Variants in SGCZ observed in about 807,000 individuals in gnomAD.
The protein encoded by SGCZ is sarcoglycan zeta.
Under a neutral mutation model 41.3 loss-of-function variants are expected in SGCZ, and 40 were observed. That is an observed-to-expected ratio of 0.97 (90% CI 0.75 to 1.26). The LOEUF (loss-of-function observed/expected upper bound fraction) is 1.26, where lower values mean the gene tolerates loss of function less well. Among genes scored for constraint, SGCZ ranks in the 50% most tolerant of loss-of-function variants. The pLI is 0.00. For synonymous variants in SGCZ, 206 were observed against 137.5 expected, an observed-to-expected ratio of 1.50 and a Z score of -3.49; for missense variants, 552 against 369.8, an observed-to-expected ratio of 1.49 and a Z score of -4.04.
chr8:14,795,781 G>A (rs952394648), intron 1 of SGCZ, among the ~76,000 whole-genome samples: 1 of 151,972 alleles, frequency 6.6e-6, no homozygotes. Flanking sequence ...CAGGTTTTAA[G>A]CCTAGTACCC....
At chr8:15,009,386 G>T (rs968411441) in intron 1 of SGCZ, among the ~76,000 whole-genome samples, 2 of 30,008 alleles carry the variant, frequency 6.7e-5, no homozygotes, top group Non-Finnish European at 1.6e-4. Context: ...TCTCCCGCCA[G>T]GCCCCACCTC....
rs142651514 is a variant in SGCZ, at chr8:14,394,134, G to GCC, written c.235-69932_235-69931dup. Among the ~76,000 whole-genome samples the GCC allele has an allele frequency of 8.5e-5, 11 of 128,782 alleles. 1 individual carries two copies. Among genetic ancestry groups the GCC allele is most frequent in the African/African-American group, 2.7e-4 (8 of 29,940 alleles). 84.5% of individuals were successfully genotyped at this position (128,782 alleles called of 152,430 possible). ...GAACTACTTCATGCACTGCCCTACC[G>GCC]CCCCCCACCTTTTTTTTTTTTTTTT... On this transcript the variant is annotated intron_variant, in intron 2 of 7. Transcript: ENST00000382080.
At chr8:14,552,604 A>T (rs536229918) in intron 2 of SGCZ, among the ~76,000 whole-genome samples, 1 of 152,206 alleles carries the variant, frequency 6.6e-6, no homozygotes, top group African/African-American at 2.4e-5. Flanking sequence ...ATGTTGCATT[A>T]TAATTTACAT....
At chr8:15,119,445 A>C (rs1034702015) in intron 1 of SGCZ, among the ~76,000 whole-genome samples, 2 of 151,800 alleles carry the variant, frequency 1.3e-5, no homozygotes, top group African/African-American at 4.9e-5. Flanking sequence ...TGGGAGGATC[A>C]CTTGAGACCC....
At chr8:14,637,665 T>C (rs977369188) in intron 1 of SGCZ, among the ~76,000 whole-genome samples, 3 of 151,926 alleles carry the variant, frequency 2.0e-5, no homozygotes, top group Non-Finnish European at 2.9e-5. Flanking sequence ...TTCTTTTTTA[T>C]GGCTGCATAA....
intron 7 of SGCZ, among the ~76,000 whole-genome samples, chr8:14,090,988 G>A (rs12678512): frequency 0.16 from 24,311 of 151,654 alleles, 3,120 homozygotes; most frequent in East Asian, 0.69. Context: ...AGATTTCCCC[G>A]TCACATCCCC....
chr8:15,120,622 G>C (rs554670373), intron 1 of SGCZ, among the ~76,000 whole-genome samples: 1 of 152,266 alleles, frequency 6.6e-6, no homozygotes, highest in South Asian at 2.1e-4. Flanking sequence ...GTTTTGTGAT[G>C]TAATAGATAT....
chr8:14,427,055 AAT>A (rs1799804680), intron 2 of SGCZ, among the ~76,000 whole-genome samples: 4 of 143,380 alleles, frequency 2.8e-5, no homozygotes, highest in African/African-American at 1.0e-4. Flanking sequence ...TGAATGAATG[AAT>A]GAATGAATGA....
At position 14,430,174 on chromosome 8, in the gene SGCZ, A is replaced by T. The variant is rs573760739; in HGVS notation, c.235-105970T>A. Among the ~76,000 whole-genome samples the T allele has an allele frequency of 2.7e-4, 41 of 152,234 alleles. No individual in the cohort carries two copies. In the South Asian group the frequency reaches 7.9e-3, roughly 29 times the overall value. ...ATTCCCACAAGATAGAGAAAGAGGG[A>T]ATCCTCCCTACATCATTCTATGAAG... On this transcript the variant is annotated intron_variant, in intron 2 of 7. Transcript: ENST00000382080.
At chr8:14,842,613 G>A (rs1443155106) in intron 1 of SGCZ, among the ~76,000 whole-genome samples, 1 of 152,102 alleles carries the variant, frequency 6.6e-6, no homozygotes, top group Non-Finnish European at 1.5e-5. Context: ...TGCCAGGCAG[G>A]GGAAACAAAA....
intron 1 of SGCZ, among the ~76,000 whole-genome samples, chr8:14,672,844 A>G (rs1877009): frequency 0.54 from 82,748 of 151,936 alleles, 24,057 homozygotes; most frequent in East Asian, 0.74. Context: ...TACATAAAGG[A>G]TCAGTAATCT....
At chr8:14,539,640 C>T (rs1474543940) in intron 2 of SGCZ, among the ~76,000 whole-genome samples, 1 of 151,780 alleles carries the variant, frequency 6.6e-6, no homozygotes, top group Non-Finnish European at 1.5e-5. Flanking sequence ...TTATTTTACC[C>T]TCCAGGTATT....
intron 2 of SGCZ, among the ~76,000 whole-genome samples, chr8:14,429,045 C>G (rs957366367): frequency 6.6e-6 from 1 of 152,122 alleles, no homozygotes; most frequent in Non-Finnish European, 1.5e-5. Context: ...TTGTGAAGAA[C>G]CTAGCACGTT....
rs143911413 is a variant in SGCZ at position 14,539,502 on chromosome 8, C to T, written c.234+15230G>A. Among the ~76,000 whole-genome samples, 515 of 151,946 alleles carry T rather than the reference C, an allele frequency of 3.4e-3. 5 individuals are homozygous for T. The highest frequency in any genetic ancestry group is 0.012 in the African/African-American group (492 of 41,494). ...GGGGAAGATTGGTGGGGTTCTCCAG[C>T]AACTGTTTTTTTGTTTGTTTGTTCG... On this transcript the variant is annotated intron_variant, in intron 2 of 7. Coordinates refer to ENST00000382080, the MANE Select transcript of SGCZ (RefSeq NM_139167.4).
intron 1 of SGCZ, among the ~76,000 whole-genome samples, chr8:14,615,910 C>T (rs572106284): frequency 1.0e-3 from 152 of 152,252 alleles, no homozygotes; most frequent in Admixed American, 9.9e-3. Context: ...TTCCACTTTA[C>T]TCTATTACAC....
At chr8:15,209,964 G>C (rs1223778697) in intron 1 of SGCZ, among the ~76,000 whole-genome samples, 1 of 152,004 alleles carries the variant, frequency 6.6e-6, no homozygotes, top group Non-Finnish European at 1.5e-5. Flanking sequence ...TGGAGTTTCT[G>C]GGAGGGATTT....
intron 5 of SGCZ, among the ~76,000 whole-genome samples, chr8:14,127,071 A>G (rs919337403): frequency 1.3e-5 from 2 of 152,150 alleles, no homozygotes; most frequent in African/African-American, 4.8e-5. Context: ...GCAAACCACC[A>G]TGGCTTACCT....
At chr8:14,464,189 G>T (rs911896411) in intron 2 of SGCZ, among the ~76,000 whole-genome samples, 3 of 151,598 alleles carry the variant, frequency 2.0e-5, no homozygotes, top group African/African-American at 7.3e-5. Context: ...GAGAAGAATT[G>T]ATGTTAGTTA....
Position 15,143,464 on chromosome 8 carries a change from T to C in SGCZ, c.39+94121A>G, listed in dbSNP as rs76400285. On this transcript the variant is annotated intron_variant, in intron 1 of 7. Coordinates refer to ENST00000382080, the MANE Select transcript of SGCZ (RefSeq NM_139167.4). ...ATTTAAGAGAATTTCAAAGAAACAT[T>C]TTGCATTTATAATATTCTCATGCTC... Among the ~76,000 whole-genome samples, 1,151 of 152,318 alleles carry C rather than the reference T, an allele frequency of 7.6e-3. 13 individuals carry two copies. The highest frequency in any genetic ancestry group is 0.027 in the African/African-American group (1,110 of 41,570).
Sources: allele counts gnomAD v4.1 joint callset (sites outside exome capture counted in the v4.1 genomes callset), GRCh38; gene constraint gnomAD v4.1.1; transcripts MANE v1.5; gene names NCBI Gene and HGNC (gene_info 2026-07-23, HGNC 2026-07-21).